Variants in DDX10 observed in about 807,000 individuals in gnomAD.
DDX10 encodes the protein probable ATP-dependent RNA helicase DDX10.
A neutral mutation model predicts 104.3 loss-of-function variants in DDX10; 74 were observed. The observed-to-expected ratio is 0.71, with a 90% confidence interval of 0.59 to 0.86. The LOEUF (loss-of-function observed/expected upper bound fraction) is 0.86, where lower values mean the gene tolerates loss of function less well. Ranked by LOEUF, DDX10 falls within the 40% of genes least tolerant of loss-of-function variation. DDX10 has a pLI of 0.00. For missense variants in DDX10, 952 were observed against 1,040.0 expected (o/e 0.92, Z 1.16); for synonymous variants, 351 against 353.4 (o/e 0.99, Z 0.08).
chr11:108,729,538 T>G (rs1442799592), intron 13 of DDX10, among the ~76,000 whole-genome samples: 2 of 151,400 alleles, frequency 1.3e-5, no homozygotes, highest in Non-Finnish European at 2.9e-5. Context: ...TTTCTCAGAG[T>G]GAAAAAAACA....
chr11:108,706,656 C>A, intron 9 of DDX10, 83 bp from the exon 10 acceptor site: 2 of 1,082,234 alleles, frequency 1.8e-6, no homozygotes, highest in Non-Finnish European at 2.8e-6. Context: ...AAATGGTTTC[C>A]ATGTTTACCT....
chr11:108,852,839 A>T (rs1862813894), intron 16 of DDX10, among the ~76,000 whole-genome samples: 1 of 152,212 alleles, frequency 6.6e-6, no homozygotes, highest in Non-Finnish European at 1.5e-5. Flanking sequence ...CATTTAGTAG[A>T]AATGATTTCC....
At chr11:108,665,390 G>A in intron 1 of DDX10, 51 bp downstream of exon 1, 2 of 1,500,542 alleles carry the variant, frequency 1.3e-6, no homozygotes, top group Admixed American at 2.4e-5. Flanking sequence ...GCGGGGCAGC[G>A]TCTCACTGCG....
Position 108,693,595 on chromosome 11 carries a change from T to A in DDX10, c.1218T>A (p.Thr406=), listed in dbSNP as rs746776546. ...CATATATTCACAGAGCAGGTAGAAC[T>A]GCCAGGTAGGTGTACTGACTAATTT... ...ANTYIHRAGR[T]ARYKEDGEAL... The change falls in exon 9 of 18, where the codon ACT becomes ACA. Residue 406 remains threonine, a synonymous_variant. Transcript: ENST00000322536. 1.9e-6 allele frequency: 3 copies of A among 1,611,830 alleles called. No individual in the cohort carries two copies. Among genetic ancestry groups the A allele is most frequent in the Non-Finnish European group, 1.7e-6 (2 of 1,177,878 alleles).
intron 16 of DDX10, among the ~76,000 whole-genome samples, chr11:108,915,911 T>G (rs1257464941): frequency 6.8e-6 from 1 of 147,652 alleles, no homozygotes; most frequent in Non-Finnish European, 1.5e-5. Context: ...TGCAGCTGTC[T>G]TCACTTAACC....
chr11:108,783,451 G>A (rs2134541452), intron 13 of DDX10, among the ~76,000 whole-genome samples: 1 of 152,232 alleles, frequency 6.6e-6, no homozygotes, highest in South Asian at 2.1e-4. Context: ...GCTGTAAAAG[G>A]CAGGAAGGTG....
chr11:108,895,098 A>G (rs1863423619), intron 16 of DDX10, among the ~76,000 whole-genome samples: 1 of 152,070 alleles, frequency 6.6e-6, no homozygotes, highest in Non-Finnish European at 1.5e-5. Flanking sequence ...TGTGATTTAT[A>G]GAGACAAGCT....
In DDX10 at chr11:108,940,397, T is replaced by C. The variant is rs774782793; in HGVS notation, c.2602T>C (p.Leu868=). ...LSLAEDEELV[L]HLLRSQS is the part of the protein sequence containing the mutation. Reference sequence around the variant, plus strand: ...TTTAGCAGAGGATGAAGAGCTGGTGTTACATCTGCTAAGAAGTCAAAGCTA... The same window carrying C: ...TTTAGCAGAGGATGAAGAGCTGGTGCTACATCTGCTAAGAAGTCAAAGCTA... Residue 868 remains leucine (L), a synonymous_variant, in exon 18 of 18, where the codon TTA becomes CTA. Coordinates refer to ENST00000322536, the MANE Select transcript of DDX10 (RefSeq NM_004398.4). 1 of 1,613,768 alleles carries C rather than the reference T, an allele frequency of 6.2e-7. No homozygotes were observed. Among genetic ancestry groups the C allele is most frequent in the East Asian group, 2.2e-5 (1 of 44,810 alleles).
chr11:108,792,564 A>G (rs1304343624), intron 13 of DDX10, among the ~76,000 whole-genome samples: 1 of 152,184 alleles, frequency 6.6e-6, no homozygotes, highest in African/African-American at 2.4e-5. Context: ...TAAGTTTATC[A>G]TATTCATATG....
chr11:108,806,391 G>A (rs78882677), intron 13 of DDX10, among the ~76,000 whole-genome samples: 3,827 of 152,212 alleles, frequency 0.025, 108 homozygotes, highest in African/African-American at 0.07. Flanking sequence ...TGTGTATGGC[G>A]AACTTTATGA....
chr11:108,850,909 A>T (rs536288534), intron 15 of DDX10, among the ~76,000 whole-genome samples: 5 of 152,208 alleles, frequency 3.3e-5, no homozygotes, highest in African/African-American at 1.2e-4. Flanking sequence ...ATAGAATGGG[A>T]ATAGTAATAC....
intron 9 of DDX10, among the ~76,000 whole-genome samples, chr11:108,705,476 C>T (rs2094274525): frequency 1.3e-5 from 2 of 152,180 alleles, no homozygotes; most frequent in South Asian, 4.1e-4. Context: ...TGTTTATTGC[C>T]CATGGTTGTC....
In DDX10 at chr11:108,723,568, G is replaced by A; in HGVS notation, c.1965+106G>A. 3.5e-6 allele frequency: 4 copies of A among 1,145,236 alleles called. No homozygotes were observed. In the South Asian group the frequency reaches 7.2e-5, roughly 21 times the overall value. 70.9% of individuals were successfully genotyped at this position (1,145,236 alleles called of 1,614,324 possible). On this transcript the variant is annotated intron_variant, in intron 13 of 17. Coordinates refer to ENST00000322536, the MANE Select transcript of DDX10 (RefSeq NM_004398.4). ...AGTGAAAACTAAGAAACTTAGACTG[G>A]GTTTCTTTGCAATGAACTCTTCCTC...
At chr11:108,725,555 C>T (rs2094304390) in intron 13 of DDX10, among the ~76,000 whole-genome samples, 2 of 152,016 alleles carry the variant, frequency 1.3e-5, no homozygotes, top group Non-Finnish European at 2.9e-5. Flanking sequence ...TTGCATTTCC[C>T]TAATGACTGA....
chr11:108,859,852 A>AT (rs1443853355), intron 16 of DDX10, among the ~76,000 whole-genome samples: 1 of 152,162 alleles, frequency 6.6e-6, no homozygotes, highest in African/African-American at 2.4e-5. Context: ...ACTTAGGATC[A>AT]TTTGCCTATA....
At chr11:108,867,115 CAAAAGG>C (rs1011300289) in intron 16 of DDX10, among the ~76,000 whole-genome samples, 3 of 151,994 alleles carry the variant, frequency 2.0e-5, no homozygotes, top group African/African-American at 7.3e-5. Flanking sequence ...TGACATCAAA[CAAAAGG>C]AAACATTAAG....
At chr11:108,809,737 A>C (rs1327669493) in intron 13 of DDX10, among the ~76,000 whole-genome samples, 3 of 152,216 alleles carry the variant, frequency 2.0e-5, no homozygotes, top group African/African-American at 7.2e-5. Flanking sequence ...ATTATGAGCC[A>C]CTGGATAGCA....
At chr11:108,788,224 C>T (rs1442517007) in intron 13 of DDX10, among the ~76,000 whole-genome samples, 2 of 152,120 alleles carry the variant, frequency 1.3e-5, no homozygotes, top group African/African-American at 4.8e-5. Flanking sequence ...AGTTCTTGTG[C>T]TGATTCTTTC....
At chr11:108,870,732 A>G (rs537944861) in intron 16 of DDX10, among the ~76,000 whole-genome samples, 1 of 152,308 alleles carries the variant, frequency 6.6e-6, no homozygotes, top group South Asian at 2.1e-4. Context: ...CTACCAGGCA[A>G]TATATAAATA....
Sources: gnomAD v4.1 joint callset for allele counts (sites outside exome capture counted in the v4.1 genomes callset) on GRCh38, gnomAD v4.1.1 for gene constraint, MANE v1.5 for transcripts, NCBI Gene and HGNC (gene_info 2026-07-23, HGNC 2026-07-21) for gene names.